Variants in LOC400499 observed in about 807,000 individuals in gnomAD.
At chr16:11,463,673 G>A in the LOC400499 span, among the ~76,000 whole-genome samples, 11 of 152,092 alleles carry the variant, frequency 7.2e-5, no homozygotes, top group Non-Finnish European at 1.6e-4. Context: ...GTGTATGGAT[G>A]TGTGTGTACG....
At chr16:11,446,742 A>C in the LOC400499 span, 1 of 1,535,128 alleles carries the variant, frequency 6.5e-7, no homozygotes, top group Non-Finnish European at 8.7e-7. Flanking sequence ...CCCCAGACAC[A>C]CTCACGTAGG....
chr16:11,466,441 A>C, the LOC400499 span, among the ~76,000 whole-genome samples: 1 of 151,972 alleles, frequency 6.6e-6, no homozygotes, highest in Non-Finnish European at 1.5e-5. Flanking sequence ...AGGCTGCAGT[A>C]AAGTGGCGTG....
At chr16:11,396,323 G>GT in the LOC400499 span, 1 of 492,730 alleles carries the variant, frequency 2.0e-6, no homozygotes, top group Non-Finnish European at 3.2e-6. Context: ...CAGGCCTGGG[G>GT]TTCAGCAGGC....
chr16:11,462,225 C>T, the LOC400499 span: 872 of 1,534,006 alleles, frequency 5.7e-4, 7 homozygotes, highest in South Asian at 4.0e-3. Context: ...GGGCTGCCCC[C>T]CGTCACCAGT....
chr16:11,424,448 G>A, the LOC400499 span: 13 of 398,542 alleles, frequency 3.3e-5, no homozygotes. Context: ...GGCCTGGCCA[G>A]CACACCTGCT....
chr16:11,456,414 C>T, the LOC400499 span, among the ~76,000 whole-genome samples: 8 of 151,892 alleles, frequency 5.3e-5, no homozygotes, highest in Non-Finnish European at 1.5e-5. Flanking sequence ...AATGCAAAGG[C>T]CCTGGAGTGT....
the LOC400499 span, among the ~76,000 whole-genome samples, chr16:11,515,444 G>A: frequency 4.0e-5 from 6 of 151,696 alleles, no homozygotes; most frequent in African/African-American, 1.2e-4. Flanking sequence ...TGACAGAGTG[G>A]GACTCTGCCT....
At chr16:11,379,472 T>C in the LOC400499 span, among the ~76,000 whole-genome samples, 4 of 152,248 alleles carry the variant, frequency 2.6e-5, no homozygotes, top group Admixed American at 2.6e-4. Context: ...AGCTACTCCT[T>C]CTCTATCTTA....
the LOC400499 span, chr16:11,446,443 C>A: frequency 3.9e-6 from 4 of 1,023,034 alleles, no homozygotes; most frequent in Non-Finnish European, 5.8e-6. Flanking sequence ...CAGGTGTGAG[C>A]CACTGCACTC....
chr16:11,497,776 C>CA, the LOC400499 span, among the ~76,000 whole-genome samples: 2 of 151,580 alleles, frequency 1.3e-5, no homozygotes, highest in Non-Finnish European at 2.9e-5. Context: ...CCTGTTTTCA[C>CA]AAAAACCAGA....
chr16:11,418,986 C>A, the LOC400499 span, among the ~76,000 whole-genome samples: 1 of 152,130 alleles, frequency 6.6e-6, no homozygotes, highest in Admixed American at 6.6e-5. Flanking sequence ...GCCAACAAGG[C>A]AAAACCCCGT....
chr16:11,518,992 G>A, the LOC400499 span: 5 of 399,026 alleles, frequency 1.3e-5, no homozygotes, highest in South Asian at 5.1e-4. Flanking sequence ...AGCACCGTGA[G>A]TTGGTGACCT....
chr16:11,509,262 C>T, the LOC400499 span, among the ~76,000 whole-genome samples: 2 of 151,468 alleles, frequency 1.3e-5, no homozygotes, highest in Non-Finnish European at 2.9e-5. Flanking sequence ...GGACTACAGG[C>T]GCCTGCCACC....
At chr16:11,513,406 CA>C in the LOC400499 span, among the ~76,000 whole-genome samples, 39 of 126,958 alleles carry the variant, frequency 3.1e-4, no homozygotes, top group Middle Eastern at 3.9e-3. Context: ...ACTGTGTCTC[CA>C]AAAAAAAAAA....
chr16:11,502,576 T>G, the LOC400499 span, among the ~76,000 whole-genome samples: 1 of 152,098 alleles, frequency 6.6e-6, no homozygotes, highest in Non-Finnish European at 1.5e-5. Context: ...ATTTCAAATA[T>G]TTAGCGAGGT....
At chr16:11,446,517 G>A in the LOC400499 span, 1 of 1,527,018 alleles carries the variant, frequency 6.5e-7, no homozygotes. Flanking sequence ...GGGCTGGCTG[G>A]GGTGCAAAAG....
chr16:11,417,433 G>A, the LOC400499 span, among the ~76,000 whole-genome samples: 1 of 152,038 alleles, frequency 6.6e-6, no homozygotes, highest in African/African-American at 2.4e-5. Flanking sequence ...GGACTTTGTT[G>A]TGGAAGTCCT....
the LOC400499 span, among the ~76,000 whole-genome samples, chr16:11,416,512 A>G: frequency 6.6e-6 from 1 of 152,166 alleles, no homozygotes; most frequent in Non-Finnish European, 1.5e-5. Context: ...CACCCATTCG[A>G]TACCTACTAT....
the LOC400499 span, among the ~76,000 whole-genome samples, chr16:11,500,511 A>AATAATAATAATAATAAT: frequency 7.0e-6 from 1 of 143,882 alleles, no homozygotes; most frequent in Non-Finnish European, 1.5e-5. Flanking sequence ...ACTCCGTCCT[A>AATAATAATAATAATAAT]AATAATAATA....
Sources: allele counts gnomAD v4.1 joint callset (sites outside exome capture counted in the v4.1 genomes callset), GRCh38; gene constraint gnomAD v4.1.1; transcripts MANE v1.5.